Variants in GATA5 observed in about 807,000 individuals in gnomAD.
The protein encoded by GATA5 is GATA binding protein 5, also known as transcription factor GATA-5.
A neutral mutation model predicts 35.0 loss-of-function variants in GATA5; 27 were observed. That is an observed-to-expected ratio of 0.77 (90% CI 0.57 to 1.06). GATA5 has a LOEUF of 1.06. Ranked by LOEUF, GATA5 falls within the 50% of genes least tolerant of loss-of-function variation. GATA5 has a pLI of 0.00. For missense variants in GATA5, 612 were observed against 580.0 expected (o/e 1.06, Z -0.57); for synonymous variants, 306 against 267.8 (o/e 1.14, Z -1.39).
rs1297673608 is a variant in GATA5 at position 62,464,175 on chromosome 20, AC to A, written c.*660del. On this transcript the variant is annotated 3_prime_UTR_variant, in exon 7 of 7. Coordinates refer to ENST00000252997, the MANE Select transcript of GATA5 (RefSeq NM_080473.5). ...GCCCTTTCCCATCCCCTCTGGAAAA[AC>A]TGTCCAAACAAGTGCGTAAGTCTGT... 7 of 152,338 alleles carry A rather than the reference AC, an allele frequency of 4.6e-5. No homozygotes were observed. The highest frequency in any genetic ancestry group is 1.4e-4 in the African/African-American group (6 of 41,560). 9.4% of individuals were successfully genotyped at this position (152,338 alleles called of 1,614,324 possible).
In GATA5 at chr20:62,464,937, C is replaced by G. The variant is rs782750867; in HGVS notation, c.1093G>C (p.Glu365Gln). ...GAGGGGAAGGCAAAGTCCTCAGGCTCGAACTTGAACTCCAAGTGGCCGGGG... is the reference window on the plus strand; with the variant it reads ...GAGGGGAAGGCAAAGTCCTCAGGCTGGAACTTGAACTCCAAGTGGCCGGGG... ...LAPGHLEFKF[E>Q]PEDFAFPSTA... Residue 365 changes from glutamate (E) to glutamine (Q), a missense_variant, in exon 7 of 7, where the codon GAG (glutamate) becomes CAG (glutamine). Transcript: ENST00000252997. The G allele has an allele frequency of 1.2e-6, 2 of 1,611,060 alleles. No individual in the cohort carries two copies. The highest frequency in any genetic ancestry group is 1.7e-6 in the Non-Finnish European group (2 of 1,179,166).
chr20:62,465,489 C>T (rs1601514245), intron 5 of GATA5, 25 bp from the exon 6 acceptor site: 1 of 1,597,180 alleles, frequency 6.3e-7, no homozygotes, highest in East Asian at 2.2e-5. Context: ...GGGGTGTTTA[C>T]AGAGGGGTCA....
Position 62,464,946 on chromosome 20 carries a change from A to G in GATA5, c.1084T>C (p.Phe362Leu). Residue 362 changes from phenylalanine (F) to leucine (L), a missense_variant, in exon 7 of 7, where the codon TTC becomes CTC. By Grantham distance (22) the Phe-to-Leu change is conservative. Coordinates refer to ENST00000252997, the MANE Select transcript of GATA5 (RefSeq NM_080473.5). ...DDSLAPGHLEFKFEPEDFAFP... is the reference protein window; with the variant it reads ...DDSLAPGHLELKFEPEDFAFP... Reference sequence around the variant, plus strand: ...GCAAAGTCCTCAGGCTCGAACTTGAACTCCAAGTGGCCGGGGGCAAGAGAG... The same window carrying G: ...GCAAAGTCCTCAGGCTCGAACTTGAGCTCCAAGTGGCCGGGGGCAAGAGAG... 1 of 1,595,742 alleles carries G rather than the reference A, an allele frequency of 6.3e-7. No homozygotes were observed. The highest frequency in any genetic ancestry group is 8.5e-7 in the Non-Finnish European group (1 of 1,174,222).
chr20:62,469,934 C>T (rs1057456426), intron 3 of GATA5, among the ~76,000 whole-genome samples: 9 of 152,200 alleles, frequency 5.9e-5, no homozygotes, highest in African/African-American at 1.7e-4. Flanking sequence ...CGCTGGGGCT[C>T]CCTGTGCCAC....
chr20:62,475,409 C>A lies in GATA5; in HGVS notation c.113G>T (p.Arg38Leu). The A allele has an allele frequency of 7.4e-7, 1 of 1,357,772 alleles. No homozygotes were observed. Among genetic ancestry groups the A allele is most frequent in the Non-Finnish European group, 9.5e-7 (1 of 1,054,292 alleles). The allele number at this position is 1,357,772 out of a possible 1,614,324, so 84.1% of individuals were successfully genotyped here. A position where few individuals can be genotyped will look rare whatever the true frequency, so the allele number is the denominator to read the frequency against. ...CAGGTAGGACAGCATCGAGGGGACG[C>A]GCGCCGGCGGCACAAACATCGGAGA... ...AGSPMFVPPA[R>L]VPSMLSYLSG... is the part of the protein sequence containing the mutation. Residue 38 changes from arginine to leucine, a missense_variant, in exon 2 of 7, where the codon CGC becomes CTC. By Grantham distance (102) the Arg-to-Leu change is moderately radical. Transcript: ENST00000252997.
At chr20:62,467,038 C>T (rs1425899545) in intron 3 of GATA5, among the ~76,000 whole-genome samples, 1 of 152,222 alleles carries the variant, frequency 6.6e-6, no homozygotes, top group Non-Finnish European at 1.5e-5. Flanking sequence ...GGCTCCGGGT[C>T]CCACCTGCCT....
Position 62,475,323 on chromosome 20 carries a change from T to G in GATA5, c.199A>C (p.Thr67Pro), listed in dbSNP as rs6142775. The G allele has an allele frequency of 0.18, 220,512 of 1,251,246 alleles. 19,870 individuals carry two copies. Among genetic ancestry groups the G allele is most frequent in the Admixed American group, 0.2 (4,837 of 23,758 alleles). The allele number at this position is 1,251,246 out of a possible 1,614,324, so 77.5% of individuals were successfully genotyped here. A position where few individuals can be genotyped will look rare whatever the true frequency, so the allele number is the denominator to read the frequency against. Residue 67 changes from threonine (T) to proline (P), a missense_variant, in exon 2 of 7, where the codon ACA (threonine) becomes CCA (proline). Thr to Pro is a conservative substitution (Grantham distance 38). Coordinates refer to ENST00000252997, the MANE Select transcript of GATA5 (RefSeq NM_080473.5). ...ELAARPGWAQ[T>P]ATADSSAFGP... ...AAGGCCGACGAATCCGCGGTGGCTG[T>G]CTGCGCCCAGCCGGGGCGCGCAGCG...
chr20:62,474,531 G>C (rs941912619), intron 2 of GATA5, among the ~76,000 whole-genome samples: 5 of 152,144 alleles, frequency 3.3e-5, no homozygotes, highest in African/African-American at 1.2e-4. Flanking sequence ...CTGCAACCGG[G>C]AAGAGCCGCT....
intron 2 of GATA5, among the ~76,000 whole-genome samples, chr20:62,474,353 G>A (rs1450184461): frequency 6.6e-6 from 1 of 152,226 alleles, no homozygotes; most frequent in African/African-American, 2.4e-5. Flanking sequence ...CAGGGAGGCG[G>A]GGGCCAGGGG....
In GATA5 at chr20:62,475,518, A is replaced by T. The variant is rs1601520923; in HGVS notation, c.4T>A (p.Tyr2Asn). 3.8e-6 allele frequency: 5 copies of T among 1,310,954 alleles called. No individual in the cohort carries two copies. The highest frequency in any genetic ancestry group is 4.8e-6 in the Non-Finnish European group (5 of 1,031,772). 81.2% of individuals were successfully genotyped at this position (1,310,954 alleles called of 1,614,324 possible). Residue 2 changes from tyrosine (Y) to asparagine (N), a missense_variant, in exon 2 of 7, where the codon TAC becomes AAC. Coordinates refer to ENST00000252997, the MANE Select transcript of GATA5 (RefSeq NM_080473.5). ...CTCGCGGCCAGCGCCAGGCTCTGGT[A>T]CATCCTCCCAGGCGTGGTCTTGACC... M[Y>N]QSLALAASPR...
At chr20:62,469,675 A>T (rs1989676358) in intron 3 of GATA5, among the ~76,000 whole-genome samples, 1 of 152,244 alleles carries the variant, frequency 6.6e-6, no homozygotes, top group African/African-American at 2.4e-5. Context: ...CCCACCTTGA[A>T]TGTTTTCACA....
chr20:62,468,716 C>A (rs950553707), intron 3 of GATA5, among the ~76,000 whole-genome samples: 16 of 152,248 alleles, frequency 1.1e-4, no homozygotes, highest in African/African-American at 3.6e-4. Flanking sequence ...ACAATGTCTC[C>A]CACCCTGGGC....
chr20:62,467,598 T>C (rs1989623432), intron 3 of GATA5, among the ~76,000 whole-genome samples: 1 of 152,200 alleles, frequency 6.6e-6, no homozygotes, highest in South Asian at 2.1e-4. Flanking sequence ...AGCCCCTGCC[T>C]GGTCCAGGTC....
chr20:62,465,498 C>A, intron 5 of GATA5, 34 bp from the exon 6 acceptor site: 1 of 1,584,278 alleles, frequency 6.3e-7, no homozygotes, highest in South Asian at 1.1e-5. Flanking sequence ...ACAGAGGGGT[C>A]AGGTGTGGCC....
chr20:62,468,503 C>T (rs1989647966), intron 3 of GATA5, among the ~76,000 whole-genome samples: 1 of 152,366 alleles, frequency 6.6e-6, no homozygotes, highest in African/African-American at 2.4e-5. Context: ...CCCCTCAACC[C>T]CCAGCCACAG....
rs1989698012 is a variant in GATA5 at position 62,470,599 on chromosome 20, C to G, written c.699+2804G>C. Among the ~76,000 whole-genome samples, 1 of 152,178 alleles carries G rather than the reference C, an allele frequency of 6.6e-6. No individual in the cohort carries two copies. Among genetic ancestry groups the G allele is most frequent in the South Asian group, 2.1e-4 (1 of 4,828 alleles). ...TGCCTGACTCCAGGTAAGGACCAGT[C>G]TTGCTCAGCGGGAAGGGACGCTTGG... On this transcript the variant is annotated intron_variant, in intron 3 of 6. Coordinates refer to ENST00000252997, the MANE Select transcript of GATA5 (RefSeq NM_080473.5). The surrounding 1 kb of genome is among the most constrained non-coding windows in gnomAD (Gnocchi z 4.6).
At position 62,465,332 on chromosome 20, in the gene GATA5, C is replaced by G. The variant is rs782302368; in HGVS notation, c.1038+8G>C. ...CTCTGGGCACCCCACCCCAGCCCAC[C>G]CCCTTACCTGGGGGGCCATGCTGGG... is the stretch of plus-strand genomic sequence containing the variant. On this transcript the variant is annotated splice_region_variant and intron_variant, in intron 6 of 6. Coordinates refer to ENST00000252997, the MANE Select transcript of GATA5 (RefSeq NM_080473.5). 8 of 1,589,680 alleles carry G rather than the reference C, an allele frequency of 5.0e-6. No homozygotes were observed. The East Asian group carries it at 1.8e-4, about 36-fold the overall frequency.
chr20:62,475,103 G>A lies in GATA5; in HGVS notation c.419C>T (p.Ala140Val). ...GGGGCTCACGTAGGCCGGGTAGGTG[G>A]CGGAGTACGAGGTCCCCACCGGCCG... ...LGRPVGTSYS[A>V]TYPAYVSPDV... Residue 140 changes from alanine (A) to valine (V), a missense_variant, in exon 2 of 7, where the codon GCC becomes GTC. By Grantham distance (64) the Ala-to-Val change is moderately conservative. Transcript: ENST00000252997. The A allele has an allele frequency of 1.4e-6, 2 of 1,399,142 alleles. No individual in the cohort carries two copies. The highest frequency in any genetic ancestry group is 1.9e-6 in the Non-Finnish European group (2 of 1,073,416). The allele number at this position is 1,399,142 out of a possible 1,614,324, so 86.7% of individuals were successfully genotyped here. A position where few individuals can be genotyped will look rare whatever the true frequency, so the allele number is the denominator to read the frequency against.
rs1569046675 is a variant in GATA5 at position 62,470,382 on chromosome 20, A to G, written c.699+3021T>C. On this transcript the variant is annotated intron_variant, in intron 3 of 6. Transcript: ENST00000252997. The surrounding 1 kb of genome is among the most constrained non-coding windows in gnomAD (Gnocchi z 4.6). ...ACAACCAGAGGCTGCTGTGCCGCAGAGTCTGAGCCTTGGGGACGGGTGAGT... is the reference window on the plus strand; with the variant it reads ...ACAACCAGAGGCTGCTGTGCCGCAGGGTCTGAGCCTTGGGGACGGGTGAGT... 6.6e-6 allele frequency among the ~76,000 whole-genome samples: 1 copy of G among 152,238 alleles called. No homozygotes were observed. Among genetic ancestry groups the G allele is most frequent in the Non-Finnish European group, 1.5e-5 (1 of 68,044 alleles).
Sources: gnomAD v4.1 joint callset for allele counts (sites outside exome capture counted in the v4.1 genomes callset) on GRCh38, gnomAD v4.1.1 for gene constraint, Gnocchi (gnomAD v3.1) non-coding constraint, MANE v1.5 for transcripts, NCBI Gene and HGNC (gene_info 2026-07-23, HGNC 2026-07-21) for gene names.